Variants in DCC observed in about 807,000 individuals in gnomAD.
DCC encodes the protein DCC netrin 1 receptor.
In DCC, 58 loss-of-function variants were observed where a neutral mutation model predicts 172.5. That is an observed-to-expected ratio of 0.34 (90% confidence interval 0.27 to 0.42). The LOEUF is 0.42. Ranked by LOEUF, DCC falls within the 10% of genes least tolerant of loss-of-function variation. The pLI is 1.00. For synonymous variants in DCC, 709 were observed against 644.5 expected (o/e 1.10, Z -1.52); for missense variants, 1,740 against 1,791.0 (o/e 0.97, Z 0.51).
At chr18:53,056,393 C>A (rs973529629) in intron 5 of DCC, among the ~76,000 whole-genome samples, 1 of 152,134 alleles carries the variant, frequency 6.6e-6, no homozygotes, top group African/African-American at 2.4e-5. Context: ...GGTGGGCACA[C>A]AGAGCTAAAC....
At chr18:53,456,576 G>A (rs912639569) in intron 23 of DCC, among the ~76,000 whole-genome samples, 1 of 152,190 alleles carries the variant, frequency 6.6e-6, no homozygotes, top group Non-Finnish European at 1.5e-5. Flanking sequence ...TTAAATTTTA[G>A]ACAGATTCAC....
rs997921353 is a variant in DCC at position 52,961,816 on chromosome 18, C to T, written c.985+36446C>T. Among the ~76,000 whole-genome samples the T allele has an allele frequency of 5.9e-5, 9 of 151,988 alleles. No homozygotes were observed. In the East Asian group the frequency reaches 1.4e-3, roughly 23 times the overall value. The stretch of plus-strand genomic sequence containing the variant: ...AGAAATAATGCCGCATATCTACAAC[C>T]ATCTGATCTTTGACAAACCTGAGAA... On this transcript the variant is annotated intron_variant, in intron 5 of 28. Transcript: ENST00000442544.
chr18:53,159,806 A>G (rs1406010793), intron 8 of DCC, among the ~76,000 whole-genome samples: 1 of 152,168 alleles, frequency 6.6e-6, no homozygotes, highest in Non-Finnish European at 1.5e-5. Context: ...TTAATAATGT[A>G]TTAAATACGA....
At chr18:52,438,326 A>G (rs889325908) in intron 1 of DCC, among the ~76,000 whole-genome samples, 1 of 152,216 alleles carries the variant, frequency 6.6e-6, no homozygotes, top group African/African-American at 2.4e-5. Context: ...GGCTTTAATC[A>G]AGAACATCCT....
intron 12 of DCC, among the ~76,000 whole-genome samples, chr18:53,246,332 T>G (rs2056364712): frequency 6.6e-6 from 1 of 152,058 alleles, no homozygotes; most frequent in African/African-American, 2.4e-5. Flanking sequence ...TAGCCCTAAC[T>G]ATTAACTGGC....
chr18:52,771,098 C>T (rs76720868), intron 2 of DCC, among the ~76,000 whole-genome samples: 4,168 of 152,238 alleles, frequency 0.027, 85 homozygotes, highest in Non-Finnish European at 0.04. Context: ...CTGAGGTTTA[C>T]GTTCATGCCT....
At chr18:53,260,462 G>C (rs180774369) in intron 12 of DCC, among the ~76,000 whole-genome samples, 1 of 152,194 alleles carries the variant, frequency 6.6e-6, no homozygotes, top group East Asian at 1.9e-4. Flanking sequence ...GTTTGCTGGA[G>C]GTCCACTCCA....
chr18:53,377,389 G>GAGA (rs56300801), intron 15 of DCC, among the ~76,000 whole-genome samples: 2 of 148,032 alleles, frequency 1.4e-5, no homozygotes, highest in East Asian at 2.0e-4. Context: ...GAGAGAGAGA[G>GAGA]GAAGAAGGCC....
At chr18:53,365,099 T>C (rs11877997) in intron 15 of DCC, among the ~76,000 whole-genome samples, 107,699 of 149,502 alleles carry the variant, frequency 0.72, 39,080 homozygotes, top group Middle Eastern at 0.76. Context: ...CAACAGGCCC[T>C]GGTGTGCGAT....
chr18:52,460,125 C>T (rs561287685), intron 1 of DCC, among the ~76,000 whole-genome samples: 1 of 152,148 alleles, frequency 6.6e-6, no homozygotes, highest in African/African-American at 2.4e-5. Flanking sequence ...CCTTTGTTCT[C>T]ACTTCCTGCT....
At chr18:52,437,204 G>A (rs1987824177) in intron 1 of DCC, among the ~76,000 whole-genome samples, 1 of 152,148 alleles carries the variant, frequency 6.6e-6, no homozygotes, top group African/African-American at 2.4e-5. Flanking sequence ...TGCCAAATGG[G>A]GAAGACATCT....
intron 3 of DCC, among the ~76,000 whole-genome samples, chr18:52,916,446 C>T (rs1418104611): frequency 2.0e-5 from 3 of 152,144 alleles, no homozygotes; most frequent in African/African-American, 7.2e-5. Flanking sequence ...ATTCAAGCAC[C>T]TTTCTGATGG....
intron 1 of DCC, among the ~76,000 whole-genome samples, chr18:52,494,240 G>T (rs1352619746): frequency 6.8e-6 from 1 of 146,960 alleles, no homozygotes; most frequent in African/African-American, 2.5e-5. Flanking sequence ...TTAGCAGTTT[G>T]ATTATGATAT....
intron 25 of DCC, among the ~76,000 whole-genome samples, chr18:53,471,105 T>C (rs2045690596): frequency 6.6e-6 from 1 of 152,206 alleles, no homozygotes; most frequent in East Asian, 1.9e-4. Flanking sequence ...ATTACTAGAC[T>C]ACAGCAATAA....
intron 15 of DCC, among the ~76,000 whole-genome samples, chr18:53,366,376 T>C (rs191783947): frequency 6.6e-6 from 1 of 152,264 alleles, no homozygotes; most frequent in African/African-American, 2.4e-5. Flanking sequence ...TTTTTTTACC[T>C]TTAAATTTCA....
intron 27 of DCC, among the ~76,000 whole-genome samples, chr18:53,521,088 G>A (rs779185477): frequency 3.3e-5 from 5 of 151,356 alleles, no homozygotes; most frequent in African/African-American, 4.9e-5. Flanking sequence ...TCGTGGTTCC[G>A]GCATTCTAAA....
At chr18:53,327,069 C>T (rs1568058709) in intron 14 of DCC, among the ~76,000 whole-genome samples, 1 of 152,196 alleles carries the variant, frequency 6.6e-6, no homozygotes. Flanking sequence ...AAACCCCTGC[C>T]TCCTGTGACT....
intron 19 of DCC, among the ~76,000 whole-genome samples, chr18:53,408,105 T>A (rs1909778723): frequency 2.0e-5 from 3 of 152,154 alleles, no homozygotes; most frequent in Admixed American, 2.0e-4. Context: ...ATCCCACATA[T>A]CCATTATGTC....
intron 19 of DCC, among the ~76,000 whole-genome samples, chr18:53,407,035 C>A (rs1416357822): frequency 6.6e-6 from 1 of 152,128 alleles, no homozygotes; most frequent in Non-Finnish European, 1.5e-5. Flanking sequence ...GATGTCTGCA[C>A]CTTCAACTTT....
Sources: gnomAD v4.1 joint callset for allele counts (sites outside exome capture counted in the v4.1 genomes callset) on GRCh38, gnomAD v4.1.1 for gene constraint, MANE v1.5 for transcripts, NCBI Gene and HGNC (gene_info 2026-07-23, HGNC 2026-07-21) for gene names.